Variants in TOP2B observed in about 807,000 individuals in gnomAD.
TOP2B encodes the protein DNA topoisomerase 2-beta.
A neutral mutation model predicts 193.5 loss-of-function variants in TOP2B; 51 were observed. The observed-to-expected ratio is 0.26, with a 90% CI of 0.21 to 0.33. The LOEUF is 0.33. Ranked by LOEUF, TOP2B falls within the 10% of genes least tolerant of loss-of-function variation. TOP2B has a pLI of 1.00. For synonymous variants in TOP2B, 634 were observed against 635.7 expected (o/e 1.00, Z 0.04); for missense variants, 1,378 against 1,909.3 (o/e 0.72, Z 5.19).
intron 15 of TOP2B, among the ~76,000 whole-genome samples, chr3:25,628,571 T>C (rs1702870685): frequency 6.6e-6 from 1 of 152,164 alleles, no homozygotes. Context: ...ATAGGTGAAA[T>C]ACTAGACTAT....
chr3:25,624,730 G>A lies in TOP2B; in HGVS notation c.2298C>T (p.Ala766=). ...KRNDKREVKV[A]QLAGSVAEMS... ...TCTCAGCAACAGAGCCAGCCAACTG[G>A]GCAACTTTTACTTCACGTTTATCAT... The change falls in exon 19 of 36, where the codon GCC becomes GCT. Residue 766 remains alanine, a synonymous_variant. Coordinates refer to ENST00000264331, the MANE Select transcript of TOP2B (RefSeq NM_001330700.2). 3 of 1,613,652 alleles carry A rather than the reference G, an allele frequency of 1.9e-6. No homozygotes were observed. The highest frequency in any genetic ancestry group is 2.5e-6 in the Non-Finnish European group (3 of 1,179,752).
chr3:25,637,379 A>G, intron 5 of TOP2B, 67 bp from the exon 6 acceptor site: 2 of 1,178,500 alleles, frequency 1.7e-6, no homozygotes, highest in Non-Finnish European at 2.4e-6. Context: ...TTAATTTACC[A>G]CCATACGGCA....
chr3:25,630,536 T>G, intron 11 of TOP2B, 67 bp from the exon 12 acceptor site: 1 of 1,298,238 alleles, frequency 7.7e-7, no homozygotes, highest in Middle Eastern at 2.0e-4. Context: ...AAAAATGAAG[T>G]CAGAAAATTA....
In TOP2B at chr3:25,623,718, CAGCAGGAAAAAGTAGCCTTGCTAA is replaced by C; in HGVS notation, c.2500_2523del (p.Leu834_Ala841del). ...AGGAACTTAAGGAGGTTGTCATCCA[CAGCAGGAAAAAGTAGCCTTGCTAA>C]AGTGCTAATGAAAACAAAAAGAAGC... On this transcript the variant is annotated inframe_deletion, in exon 21 of 36. Coordinates refer to ENST00000264331, the MANE Select transcript of TOP2B (RefSeq NM_001330700.2). The C allele has an allele frequency of 6.2e-7, 1 of 1,613,304 alleles. No homozygotes were observed. The highest frequency in any genetic ancestry group is 8.5e-7 in the Non-Finnish European group (1 of 1,179,536).
rs1167152065 is a variant in TOP2B at position 25,646,431 on chromosome 3, C to G, written c.70-961G>C. 7.2e-5 allele frequency among the ~76,000 whole-genome samples: 11 copies of G among 152,150 alleles called. No individual in the cohort carries two copies. In the East Asian group the frequency reaches 2.1e-3, roughly 29 times the overall value. ...GTTGGTGATCTTAATTCTAAACATT[C>G]CTACAGCAGATGAGGATGTCAAATC... On this transcript the variant is annotated intron_variant, in intron 1 of 35. Coordinates refer to ENST00000264331, the MANE Select transcript of TOP2B (RefSeq NM_001330700.2).
chr3:25,602,942 C>T (rs192788170), intron 33 of TOP2B, among the ~76,000 whole-genome samples: 129 of 152,224 alleles, frequency 8.5e-4, no homozygotes, highest in African/African-American at 3.0e-3. Context: ...AATTATATTT[C>T]GTAAGGGAGG....
intron 27 of TOP2B, among the ~76,000 whole-genome samples, chr3:25,613,614 G>A (rs1338581728): frequency 6.6e-6 from 1 of 151,994 alleles, no homozygotes; most frequent in African/African-American, 2.4e-5. Flanking sequence ...ACATGTCCCA[G>A]CTACTCAGGA....
chr3:25,664,156 G>T, intron 1 of TOP2B, 73 bp downstream of exon 1: 1 of 871,188 alleles, frequency 1.1e-6, no homozygotes, highest in Non-Finnish European at 1.7e-6. Context: ...CCCCTCCCCC[G>T]CCCGTTCGGA....
chr3:25,618,263 A>T, intron 25 of TOP2B, 155 bp downstream of exon 25: 2 of 610,656 alleles, frequency 3.3e-6, no homozygotes, highest in Non-Finnish European at 5.8e-6. Flanking sequence ...CCTGTACTTT[A>T]TCTGTTCTGT....
chr3:25,659,501 C>T (rs1025353571), intron 1 of TOP2B, among the ~76,000 whole-genome samples: 12 of 152,158 alleles, frequency 7.9e-5, no homozygotes, highest in African/African-American at 1.9e-4. Flanking sequence ...TTAATTAATT[C>T]TTATATAGTA....
At chr3:25,662,172 A>G (rs983637385) in intron 1 of TOP2B, among the ~76,000 whole-genome samples, 4 of 152,218 alleles carry the variant, frequency 2.6e-5, no homozygotes, top group Non-Finnish European at 4.4e-5. Context: ...TTCATTCTCA[A>G]TGCAACCTTA....
chr3:25,639,181 T>C (rs1001640597), intron 4 of TOP2B, among the ~76,000 whole-genome samples: 6 of 152,166 alleles, frequency 3.9e-5, no homozygotes, highest in Non-Finnish European at 8.8e-5. Context: ...AAAAGAAATG[T>C]CTACATATAT....
intron 1 of TOP2B, 75 bp from the exon 2 acceptor site, chr3:25,645,545 T>C (rs1703391925): frequency 9.7e-6 from 11 of 1,137,164 alleles, no homozygotes; most frequent in Non-Finnish European, 1.3e-5. Flanking sequence ...ACGACATGGG[T>C]TTTCTTTTTT....
intron 2 of TOP2B, among the ~76,000 whole-genome samples, chr3:25,644,116 A>G (rs1215062146): frequency 2.1e-5 from 3 of 144,518 alleles, no homozygotes; most frequent in African/African-American, 7.7e-5. Context: ...TTTTTTTTTT[A>G]TAATACAGGG....
intron 23 of TOP2B, among the ~76,000 whole-genome samples, chr3:25,619,430 A>T (rs959348653): frequency 6.6e-6 from 1 of 152,104 alleles, no homozygotes; most frequent in Non-Finnish European, 1.5e-5. Flanking sequence ...TTGGAATGGA[A>T]CTTGAATCAC....
rs1439231199 is a variant in TOP2B at position 25,664,543 on chromosome 3, TGAG to T, written c.-249_-247del. On this transcript the variant is annotated 5_prime_UTR_variant, in exon 1 of 36. Transcript: ENST00000264331. ...CGTCGCCCGGGCCTAGCGCGGCGGC[TGAG>T]GAGAAAGCAGGGAGCGACCGGCGGC... 1.3e-5 allele frequency: 15 copies of T among 1,123,062 alleles called. No individual in the cohort carries two copies. Among genetic ancestry groups the T allele is most frequent in the Admixed American group, 5.0e-5 (1 of 20,022 alleles). The allele number at this position is 1,123,062 out of a possible 1,614,324, so 69.6% of individuals were successfully genotyped here.
intron 1 of TOP2B, among the ~76,000 whole-genome samples, chr3:25,648,181 T>G (rs554789598): frequency 1.3e-5 from 2 of 152,196 alleles, no homozygotes; most frequent in South Asian, 2.1e-4. Context: ...TTGAGGGCCA[T>G]TGAAAACAAA....
chr3:25,615,478 G>C lies in TOP2B; in HGVS notation c.3460C>G (p.Leu1154Val), dbSNP rs771634906. ...NYILNMSLWSLTKEKVEELIK... is the reference protein window; with the variant it reads ...NYILNMSLWSVTKEKVEELIK... ...AGTTCTTCAACTTTTTCTTTAGTAA[G>C]AGACCACAGAGACATATTTAAAATA... The change falls in exon 26 of 36, where the codon CTT becomes GTT. Residue 1154 changes from leucine to valine, a missense_variant. Physicochemically the swap from Leu to Val is conservative, Grantham distance 32 (BLOSUM62 1). Around this residue, in one of 9 missense-constraint regions of TOP2B, gnomAD observed 556 missense variants for 584.2 expected, o/e 0.95. Transcript: ENST00000264331. 6.4e-7 allele frequency: 1 copy of C among 1,569,982 alleles called. No homozygotes were observed. The highest frequency in any genetic ancestry group is 8.6e-7 in the Non-Finnish European group (1 of 1,159,610).
intron 15 of TOP2B, among the ~76,000 whole-genome samples, chr3:25,628,368 GC>G (rs58182478): frequency 0.31 from 47,464 of 151,578 alleles, 7,794 homozygotes; most frequent in African/African-American, 0.41. Context: ...CCAGCTACTT[GC>G]GGGGGCTGAG....
Sources: allele counts gnomAD v4.1 joint callset (sites outside exome capture counted in the v4.1 genomes callset), GRCh38; gene constraint gnomAD v4.1.1; regional missense constraint gnomAD v4.1.1; transcripts MANE v1.5; gene names NCBI Gene and HGNC (gene_info 2026-07-23, HGNC 2026-07-21).